The following ATP7B variants were observed in gnomAD, a reference collection of about 807,000 sequenced individuals.
ATP7B encodes copper-transporting ATPase 2.
In ATP7B, 113 loss-of-function variants were observed where a neutral mutation model predicts 118.9. The ratio of observed to expected loss-of-function variants is 0.95; its 90% confidence interval spans 0.82 to 1.11. ATP7B has a LOEUF of 1.11. Among genes scored for constraint, ATP7B ranks in the 50% most tolerant of loss-of-function variants. The pLI is 0.00. For missense variants in ATP7B, 1,867 were observed against 1,871.4 expected (o/e 1.00, Z 0.04); for synonymous variants, 777 against 727.4 (o/e 1.07, Z -1.10).
chr13:51,965,235 T>C (rs939040269), intron 4 of ATP7B, among the ~76,000 whole-genome samples: 1 of 152,202 alleles, frequency 6.6e-6, no homozygotes, highest in Non-Finnish European at 1.5e-5. Flanking sequence ...AGAGTAGCTC[T>C]TCCCCAAAAC....
intron 1 of ATP7B, among the ~76,000 whole-genome samples, chr13:51,999,836 C>T (rs536020856): frequency 1.3e-5 from 2 of 152,306 alleles, no homozygotes; most frequent in Admixed American, 1.3e-4. Context: ...GCTCACCCTT[C>T]GCTCTCCGAG....
Position 51,974,230 on chromosome 13 carries a change from T to C in ATP7B, c.990A>G (p.Gly330=), listed in dbSNP as rs754086671. 5 of 1,613,960 alleles carry C rather than the reference T, an allele frequency of 3.1e-6. No individual in the cohort carries two copies. In the South Asian group the frequency reaches 4.4e-5, roughly 14 times the overall value. The change falls in exon 2 of 21, where the codon GGA becomes GGG. Residue 330 remains glycine (G), a synonymous_variant. Transcript: ENST00000242839. ...TGTGATCTGTCCCACTCCCTTCGGC[T>C]CCATCAGGAAGAGAAACTTTAAAAT... ...PGNFKVSLPD[G]AEGSGTDHRS... is the part of the protein sequence containing the mutation.
At position 51,933,586 on chromosome 13, in the gene ATP7B, G is replaced by A. The variant is rs555405546; in HGVS notation, c.*1170C>T. 2.6e-5 allele frequency: 4 copies of A among 152,230 alleles called. No individual in the cohort carries two copies. Among genetic ancestry groups the A allele is most frequent in the African/African-American group, 9.6e-5 (4 of 41,458 alleles). 9.4% of individuals were successfully genotyped at this position (152,230 alleles called of 1,614,324 possible). On this transcript the variant is annotated 3_prime_UTR_variant, in exon 21 of 21. Coordinates refer to ENST00000242839, the MANE Select transcript of ATP7B (RefSeq NM_000053.4). ...TCTGAGAGCCACTGCCAGGTAAACA[G>A]ATGCTCCCTTCGGGGTGCTGTGGCC...
chr13:51,937,133 G>A (rs529920932), intron 19 of ATP7B, 143 bp downstream of exon 19: 10 of 687,294 alleles, frequency 1.5e-5, no homozygotes, highest in African/African-American at 1.3e-4. Flanking sequence ...ATAAAGCAGG[G>A]GACATGAAAA....
At position 51,966,837 on chromosome 13, in the gene ATP7B, G is replaced by T. The variant is rs183311943; in HGVS notation, c.1707+1607C>A. 3,392 of 1,613,372 alleles carry T rather than the reference G, an allele frequency of 2.1e-3. 7 individuals are homozygous for T. Among genetic ancestry groups the T allele is most frequent in the Admixed American group, 2.8e-3 (169 of 60,014 alleles). ...AGGAGCTAGGAGTGGGAATAGCTTT[G>T]CAAAAAATGGGCGCAATGGCCAAGC... On this transcript the variant is annotated intron_variant, in intron 4 of 20. Transcript: ENST00000242839.
intron 4 of ATP7B, chr13:51,967,136 A>G: frequency 6.3e-7 from 1 of 1,588,898 alleles, no homozygotes; most frequent in South Asian, 1.1e-5. Flanking sequence ...CGGATCTATG[A>G]AAAAGTAGAA....
rs148048425 is a variant in ATP7B, at chr13:51,979,505, A to G, written c.52-4337T>C. 2.1e-3 allele frequency among the ~76,000 whole-genome samples: 327 copies of G among 152,360 alleles called. 8 individuals are homozygous for G. In the East Asian group the frequency reaches 0.051, roughly 24 times the overall value. ...ATTAATTTAAAATTAAAATAACATG[A>G]GCACAAAGAAGACTCAGAACAGTGA... On this transcript the variant is annotated intron_variant, in intron 1 of 20. Transcript: ENST00000242839.
intron 1 of ATP7B, among the ~76,000 whole-genome samples, chr13:51,992,302 T>C (rs187490123): frequency 2.0e-4 from 31 of 152,370 alleles, no homozygotes; most frequent in African/African-American, 7.2e-4. Flanking sequence ...CAAAACTCTA[T>C]TTTGCCCAGT....
In ATP7B at chr13:51,960,337, C is replaced by G; in HGVS notation, c.1947-15G>C. On this transcript the variant is annotated splice_polypyrimidine_tract_variant and intron_variant, in intron 6 of 20. Transcript: ENST00000242839. ...ACTTCTTCCACCTGGAAAGCAAATG[C>G]AGCAACACAGATATATCAGATGCTG... is the stretch of plus-strand genomic sequence containing the variant. 2.5e-6 allele frequency: 4 copies of G among 1,611,650 alleles called. No homozygotes were observed. The highest frequency in any genetic ancestry group is 3.4e-6 in the Non-Finnish European group (4 of 1,179,300).
At chr13:51,949,417 G>T (rs1415800229) in intron 12 of ATP7B, among the ~76,000 whole-genome samples, 1 of 152,128 alleles carries the variant, frequency 6.6e-6, no homozygotes, top group African/African-American at 2.4e-5. Context: ...TTACAACTGA[G>T]CACCAATTGG....
At chr13:52,009,605 A>C (rs1953930997) in intron 1 of ATP7B, among the ~76,000 whole-genome samples, 1 of 152,180 alleles carries the variant, frequency 6.6e-6, no homozygotes, top group South Asian at 2.1e-4. Context: ...CACGTTAGTA[A>C]ATGTGTATGC....
At chr13:52,004,444 A>G (rs1404518494) in intron 1 of ATP7B, among the ~76,000 whole-genome samples, 3 of 152,340 alleles carry the variant, frequency 2.0e-5, no homozygotes, top group East Asian at 3.9e-4. Flanking sequence ...GATGACTCCA[A>G]CATTTCAGGT....
intron 2 of ATP7B, 51 bp from the exon 3 acceptor site, chr13:51,970,800 T>C (rs770515482): frequency 5.6e-6 from 9 of 1,592,944 alleles, no homozygotes; most frequent in Admixed American, 1.7e-5. Flanking sequence ...AATAATATGT[T>C]TTTCAGAACA....
In ATP7B at chr13:51,939,208, C is replaced by G; in HGVS notation, c.3557-15G>C. ...ACAGAGCACACCTGGAGCGAACCAG[C>G]CAGCATCAGCAGCTACACAAGTTGG... On this transcript the variant is annotated splice_polypyrimidine_tract_variant and intron_variant, in intron 16 of 20. Coordinates refer to ENST00000242839, the MANE Select transcript of ATP7B (RefSeq NM_000053.4). The G allele has an allele frequency of 6.2e-7, 1 of 1,611,878 alleles. No homozygotes were observed. Among genetic ancestry groups the G allele is most frequent in the Non-Finnish European group, 8.5e-7 (1 of 1,180,020 alleles).
chr13:51,999,269 C>T lies in ATP7B; in HGVS notation c.51+12018G>A, dbSNP rs143219362. On this transcript the variant is annotated intron_variant, in intron 1 of 20. Coordinates refer to ENST00000242839, the MANE Select transcript of ATP7B (RefSeq NM_000053.4). ...GTATTCAAAGTCTGAATTCCTCAAA[C>T]ACTAGGTGCTGGGAGCGGGGGAGGG... 6.4e-4 allele frequency among the ~76,000 whole-genome samples: 98 copies of T among 152,274 alleles called. 1 individual carries two copies. In the East Asian group the frequency reaches 0.018, roughly 28 times the overall value.
Position 51,950,016 on chromosome 13 carries a change from C to G in ATP7B, c.2721G>C (p.Gln907His). ...AAAATTTCTTCATTACCTTTGACAT[C>G]TGAGCCTCTTCCACCAGTTTCACAA... ...AQIVKLVEEAQMSKAPIQQLA... is the reference protein window; with the variant it reads ...AQIVKLVEEAHMSKAPIQQLA... The change falls in exon 11 of 21, where the codon CAG (glutamine) becomes CAC (histidine). Residue 907 changes from glutamine (Q) to histidine (H), a missense_variant. Transcript: ENST00000242839. 6.2e-7 allele frequency: 1 copy of G among 1,614,232 alleles called. No individual in the cohort carries two copies. Among genetic ancestry groups the G allele is most frequent in the Non-Finnish European group, 8.5e-7 (1 of 1,180,040 alleles).
At chr13:52,002,881 T>C (rs553074746) in intron 1 of ATP7B, among the ~76,000 whole-genome samples, 1 of 152,216 alleles carries the variant, frequency 6.6e-6, no homozygotes. Flanking sequence ...TTTTAAAATA[T>C]GTTATGGCAA....
chr13:51,989,940 A>C (rs1248478118), intron 1 of ATP7B, among the ~76,000 whole-genome samples: 4 of 152,174 alleles, frequency 2.6e-5, no homozygotes, highest in Non-Finnish European at 4.4e-5. Flanking sequence ...CTAGAATTAT[A>C]GGTATGACAC....
intron 1 of ATP7B, among the ~76,000 whole-genome samples, chr13:51,999,555 G>A (rs1218894265): frequency 1.3e-5 from 2 of 152,280 alleles, no homozygotes; most frequent in Non-Finnish European, 1.5e-5. Flanking sequence ...GAAACAATGG[G>A]ATTATCGAAA....
Sources: gnomAD v4.1 joint callset for allele counts (sites outside exome capture counted in the v4.1 genomes callset) on GRCh38, gnomAD v4.1.1 for gene constraint, MANE v1.5 for transcripts, NCBI Gene and HGNC (gene_info 2026-07-23, HGNC 2026-07-21) for gene names.